The following TNRC18 variants were observed in gnomAD, a reference collection of about 807,000 sequenced individuals.
TNRC18 encodes the protein trinucleotide repeat-containing gene 18 protein.
A neutral mutation model predicts 226.7 loss-of-function variants in TNRC18; 69 were observed. That is an observed-to-expected ratio of 0.30 (90% confidence interval 0.25 to 0.37). TNRC18 has a LOEUF of 0.37. Ranked by LOEUF, TNRC18 falls within the 10% of genes least tolerant of loss-of-function variation. TNRC18 has a pLI of 1.00. For synonymous variants in TNRC18, 2,449 were observed against 1,927.6 expected (o/e 1.27, Z -7.09); for missense variants, 4,754 against 4,256.6 (o/e 1.12, Z -3.25).
chr7:5,310,722 C>G (rs1419677092), intron 27 of TNRC18, among the ~76,000 whole-genome samples: 5 of 152,266 alleles, frequency 3.3e-5, no homozygotes, highest in Non-Finnish European at 7.3e-5. Flanking sequence ...AAACTCCATT[C>G]TAGAGCAGCT....
At chr7:5,346,314 G>A (rs957978617) in intron 17 of TNRC18, among the ~76,000 whole-genome samples, 1 of 152,206 alleles carries the variant, frequency 6.6e-6, no homozygotes, top group African/African-American at 2.4e-5. Flanking sequence ...GCTGGCGGCA[G>A]GAGAAAGTGG....
Position 5,315,971 on chromosome 7 carries a change from CAG to C in TNRC18, c.6845_6846del (p.Pro2282ArgfsTer3). 1 of 1,595,582 alleles carries C rather than the reference CAG, an allele frequency of 6.3e-7. No homozygotes were observed. Among genetic ancestry groups the C allele is most frequent in the Non-Finnish European group, 8.5e-7 (1 of 1,172,106 alleles). Reference sequence around the variant, plus strand: ...TGTCACTTACACTGTATCTTATAGTCAGGGGGCAGGAGGCGGATATGTGAGAG... The same window carrying C: ...TGTCACTTACACTGTATCTTATAGTCGGGGCAGGAGGCGGATATGTGAGAG... The part of the protein sequence containing the change: ...IPLSHIRLLP[P>X]DYKIQCAEPS... On this transcript the variant is annotated frameshift_variant, in exon 25 of 30. Coordinates refer to ENST00000430969, the MANE Select transcript of TNRC18 (RefSeq NM_001080495.3). LOFTEE classifies it high-confidence loss of function.
chr7:5,420,765 G>T (rs1782520750), intron 2 of TNRC18: 1 of 638,826 alleles, frequency 1.6e-6, no homozygotes, highest in African/African-American at 1.8e-5. Flanking sequence ...GCCCAGGCTC[G>T]TGCCGCCGGG....
chr7:5,342,929 G>C (rs1217935676), intron 18 of TNRC18, among the ~76,000 whole-genome samples: 2 of 152,156 alleles, frequency 1.3e-5, no homozygotes, highest in African/African-American at 2.4e-5. Flanking sequence ...ACCCTAATCA[G>C]TCAGCAGCCA....
At chr7:5,412,244 GAAAAAAAAAAAA>G (rs55864404) in intron 2 of TNRC18, among the ~76,000 whole-genome samples, 3 of 71,830 alleles carry the variant, frequency 4.2e-5, no homozygotes, top group Non-Finnish European at 8.0e-5. Flanking sequence ...AATTCCAAAT[GAAAAAAAAAAAA>G]AAAAAAAAAA....
chr7:5,399,179 CAAG>C (rs1299529122), intron 2 of TNRC18, among the ~76,000 whole-genome samples: 3 of 152,112 alleles, frequency 2.0e-5, no homozygotes, highest in Non-Finnish European at 4.4e-5. Context: ...CCCGTTTCAC[CAAG>C]AAGGATGCAA....
At chr7:5,378,594 A>G (rs1357532942) in intron 5 of TNRC18, among the ~76,000 whole-genome samples, 1 of 151,052 alleles carries the variant, frequency 6.6e-6, no homozygotes, top group Non-Finnish European at 1.5e-5. Context: ...AGTTTTTTGT[A>G]TTTTTAGTAG....
chr7:5,373,759 T>A (rs1236428393), intron 10 of TNRC18, among the ~76,000 whole-genome samples: 2 of 152,078 alleles, frequency 1.3e-5, no homozygotes, highest in African/African-American at 4.8e-5. Flanking sequence ...GCCGACTGCA[T>A]GCTGAGCGTG....
chr7:5,360,189 TTGC>T (rs1792891273), intron 14 of TNRC18, among the ~76,000 whole-genome samples: 1 of 152,074 alleles, frequency 6.6e-6, no homozygotes, highest in Non-Finnish European at 1.5e-5. Context: ...CCACAAACGT[TTGC>T]TGCTGCTGTA....
chr7:5,404,135 G>A (rs908513931), intron 2 of TNRC18, among the ~76,000 whole-genome samples: 3 of 152,234 alleles, frequency 2.0e-5, no homozygotes, highest in East Asian at 3.8e-4. Context: ...CACTTTGGGA[G>A]GCCAAGGCGG....
intron 5 of TNRC18, among the ~76,000 whole-genome samples, chr7:5,379,322 C>A (rs1167775810): frequency 6.6e-6 from 1 of 151,196 alleles, no homozygotes; most frequent in East Asian, 1.9e-4. Context: ...CCGGGGAGGT[C>A]GAGGCTGCAG....
At chr7:5,422,501 T>C (rs1782642556) in intron 1 of TNRC18, among the ~76,000 whole-genome samples, 1 of 152,214 alleles carries the variant, frequency 6.6e-6, no homozygotes, top group African/African-American at 2.4e-5. Flanking sequence ...GAGGGGGTCT[T>C]GGAGCCCACC....
chr7:5,404,959 A>C (rs7781658), intron 2 of TNRC18, among the ~76,000 whole-genome samples: 26 of 149,468 alleles, frequency 1.7e-4, no homozygotes, highest in Non-Finnish European at 2.8e-4. Context: ...ACTAAAATAC[A>C]AAAAAAAAAT....
At chr7:5,354,454 G>C (rs1792137899) in intron 16 of TNRC18, among the ~76,000 whole-genome samples, 1 of 151,632 alleles carries the variant, frequency 6.6e-6, no homozygotes, top group African/African-American at 2.4e-5. Context: ...CGACTTCCCT[G>C]AACCCCCTTC....
intron 2 of TNRC18, among the ~76,000 whole-genome samples, chr7:5,414,283 G>A (rs754773052): frequency 6.0e-5 from 9 of 150,972 alleles, no homozygotes; most frequent in Non-Finnish European, 1.0e-4. Flanking sequence ...ATGTACCATC[G>A]TCTCCCATAA....
At chr7:5,319,095 G>C (rs780407736) in intron 24 of TNRC18, among the ~76,000 whole-genome samples, 1 of 152,168 alleles carries the variant, frequency 6.6e-6, no homozygotes, top group Non-Finnish European at 1.5e-5. Context: ...CCAGTACAGG[G>C]GGACAGCATG....
At chr7:5,398,534 G>A (rs542037932) in intron 2 of TNRC18, among the ~76,000 whole-genome samples, 10 of 152,084 alleles carry the variant, frequency 6.6e-5, no homozygotes, top group African/African-American at 2.4e-4. Context: ...GCCCAGGCTG[G>A]TCTCAAACTG....
chr7:5,376,964 T>A lies in TNRC18; in HGVS notation c.2491A>T (p.Met831Leu). ...GLGPPSLHQGMAPAFPPGLGG... is the reference protein window; with the variant it reads ...GLGPPSLHQGLAPAFPPGLGG... ...AGGCCAGGTGGGAACGCAGGGGCCA[T>A]GCCCTGGTGCAGAGATGGGGGACCC... The change falls in exon 8 of 30, where the codon ATG becomes TTG. Residue 831 changes from methionine (M) to leucine (L), a missense_variant. By Grantham distance (15) the Met-to-Leu change is conservative. Transcript: ENST00000430969. The A allele has an allele frequency of 6.3e-7, 1 of 1,587,236 alleles. No homozygotes were observed. The highest frequency in any genetic ancestry group is 8.6e-7 in the Non-Finnish European group (1 of 1,167,126).
chr7:5,358,941 G>GA (rs1309432187), intron 15 of TNRC18, among the ~76,000 whole-genome samples: 1 of 152,202 alleles, frequency 6.6e-6, no homozygotes, highest in Non-Finnish European at 1.5e-5. Context: ...GAAATAAGAA[G>GA]AATCAAGGAG....
Sources: allele counts gnomAD v4.1 joint callset (sites outside exome capture counted in the v4.1 genomes callset), GRCh38; gene constraint gnomAD v4.1.1; transcripts MANE v1.5; gene names NCBI Gene and HGNC (gene_info 2026-07-23, HGNC 2026-07-21).